The following LAMA3 variants were observed in gnomAD, a reference collection of about 807,000 sequenced individuals.
The protein encoded by LAMA3 is laminin subunit alpha 3.
LAMA3 carries 281 observed loss-of-function variants against 402.0 expected under a neutral mutation model. That is an observed-to-expected ratio of 0.70 (90% CI 0.63 to 0.77). The LOEUF is 0.77. Among genes scored for constraint, LAMA3 ranks in the 30% least tolerant of loss-of-function variants. LAMA3 has a pLI of 0.00. For missense variants in LAMA3, 3,840 were observed against 4,215.5 expected (o/e 0.91, Z 2.47); for synonymous variants, 1,431 against 1,558.4 (o/e 0.92, Z 1.93).
At chr18:23,946,874 A>C (rs890110151) in intron 70 of LAMA3, 3 of 156,332 alleles carry the variant, frequency 1.9e-5, no homozygotes, top group African/African-American at 7.2e-5. Context: ...TGCTTGGAGA[A>C]AAAGGTGCTT....
chr18:23,711,999 T>C (rs188135840), intron 1 of LAMA3, among the ~76,000 whole-genome samples: 6 of 152,300 alleles, frequency 3.9e-5, no homozygotes, highest in African/African-American at 9.6e-5. Context: ...ATCAAATAAC[T>C]AAATGTTCTG....
Position 23,871,462 on chromosome 18 carries a change from C to T in LAMA3, c.4799C>T (p.Pro1600Leu), listed in dbSNP as rs1157686549. 3.1e-6 allele frequency: 5 copies of T among 1,613,900 alleles called. No individual in the cohort carries two copies. In the South Asian group the frequency reaches 3.3e-5, roughly 11 times the overall value. The change falls in exon 38 of 75, where the codon CCA (proline) becomes CTA (leucine). Residue 1600 changes from proline to leucine, a missense_variant. Physicochemically the swap from Pro to Leu is moderately conservative, Grantham distance 98. Coordinates refer to ENST00000313654, the MANE Select transcript of LAMA3 (RefSeq NM_198129.4). ...GNFRHASSRA[P>L]VSREELMTVL... Reference sequence around the variant, plus strand: ...TTCAGACATGCCAGCAGCCGTGCCCCAGTGTCTAGGGAGGAGCTGATGACA... The same window carrying T: ...TTCAGACATGCCAGCAGCCGTGCCCTAGTGTCTAGGGAGGAGCTGATGACA...
At chr18:23,928,068 T>G (rs2082057779) in intron 62 of LAMA3, 55 bp from the exon 63 acceptor site, 1 of 1,258,960 alleles carries the variant, frequency 7.9e-7, no homozygotes, top group East Asian at 2.3e-5. Context: ...TCAGCTCTGA[T>G]TTCACGTGAG....
At chr18:23,758,556 C>T (rs1282316824) in intron 7 of LAMA3, 45 bp downstream of exon 7, 3 of 1,428,044 alleles carry the variant, frequency 2.1e-6, no homozygotes, top group Non-Finnish European at 3.0e-6. Context: ...CCTTCTCCCC[C>T]CTCTCCCTGG....
chr18:23,817,565 A>G (rs1267379486), intron 18 of LAMA3, among the ~76,000 whole-genome samples: 1 of 152,000 alleles, frequency 6.6e-6, no homozygotes, highest in East Asian at 1.9e-4. Context: ...AAATACAACA[A>G]TTAGGCAGGC....
chr18:23,755,461 A>G (rs1219749346), intron 6 of LAMA3, among the ~76,000 whole-genome samples: 4 of 152,242 alleles, frequency 2.6e-5, no homozygotes, highest in Admixed American at 2.0e-4. Flanking sequence ...GAACTTGAAC[A>G]AATGCTGATG....
chr18:23,929,044 G>T (rs937667773), intron 64 of LAMA3, among the ~76,000 whole-genome samples: 1 of 152,212 alleles, frequency 6.6e-6, no homozygotes, highest in African/African-American at 2.4e-5. Flanking sequence ...TATAATAAGA[G>T]TTAAGGTGGA....
chr18:23,777,689 G>A (rs755392528), intron 11 of LAMA3, 70 bp downstream of exon 11: 1 of 1,170,844 alleles, frequency 8.5e-7, no homozygotes, highest in Admixed American at 1.7e-5. Flanking sequence ...TACTTCCTGT[G>A]TGCACTGCCA....
At chr18:23,707,750 T>C (rs937230707) in intron 1 of LAMA3, among the ~76,000 whole-genome samples, 30 of 142,112 alleles carry the variant, frequency 2.1e-4, no homozygotes, top group South Asian at 4.7e-4. Context: ...AACAAAATTC[T>C]TTTTTTTTTT....
At chr18:23,913,172 G>A (rs892816941) in intron 56 of LAMA3, among the ~76,000 whole-genome samples, 3 of 152,196 alleles carry the variant, frequency 2.0e-5, no homozygotes, top group Non-Finnish European at 4.4e-5. Context: ...ACTTGGGGAG[G>A]ATGATTGGCA....
Position 23,903,118 on chromosome 18 carries a change from G to A in LAMA3, c.6311G>A (p.Ser2104Asn), listed in dbSNP as rs2145140723. 6.3e-7 allele frequency: 1 copy of A among 1,591,772 alleles called. No individual in the cohort carries two copies. The highest frequency in any genetic ancestry group is 8.6e-7 in the Non-Finnish European group (1 of 1,159,706). The change falls in exon 49 of 75, where the codon AGC becomes AAC. Residue 2104 changes from serine (S) to asparagine (N), a missense_variant. Ser to Asn is a conservative substitution (Grantham distance 46, BLOSUM62 1). Around this residue, in one of 3 missense-constraint regions of LAMA3, gnomAD observed 891 missense variants for 857.5 expected, o/e 1.04. Coordinates refer to ENST00000313654, the MANE Select transcript of LAMA3 (RefSeq NM_198129.4). ...ATTGCGCTGCAGCTGATGGAGAAAAGCCAGAAGGTAGAGGAAATAGTTGTT... is the reference window on the plus strand; with the variant it reads ...ATTGCGCTGCAGCTGATGGAGAAAAACCAGAAGGTAGAGGAAATAGTTGTT... Reference protein sequence around the residue: ...TNIALQLMEKSQKEYEKLAAS... With the variant: ...TNIALQLMEKNQKEYEKLAAS...
intron 2 of LAMA3, among the ~76,000 whole-genome samples, chr18:23,715,282 CTG>C (rs1370513329): frequency 7.1e-6 from 1 of 140,740 alleles, no homozygotes; most frequent in African/African-American, 2.7e-5. Context: ...CTCAATAAAA[CTG>C]TTAAAAAAAA....
chr18:23,903,387 A>G (rs370643266), intron 49 of LAMA3, among the ~76,000 whole-genome samples: 1 of 152,242 alleles, frequency 6.6e-6, no homozygotes, highest in South Asian at 2.1e-4. Flanking sequence ...TTATAATGCT[A>G]TTTTTAAAAT....
intron 12 of LAMA3, among the ~76,000 whole-genome samples, chr18:23,804,995 T>C (rs2062934598): frequency 6.6e-6 from 1 of 152,214 alleles, no homozygotes; most frequent in Admixed American, 6.5e-5. Context: ...AAATTTCTTT[T>C]CTTCATAAAT....
chr18:23,733,480 T>TACTC (rs34566787), intron 2 of LAMA3, among the ~76,000 whole-genome samples: 90,634 of 151,450 alleles, frequency 0.6, 27,593 homozygotes, highest in Middle Eastern at 0.67. Flanking sequence ...TTGTGAGACT[T>TACTC]ACTACCATGA....
chr18:23,709,846 C>A, intron 1 of LAMA3: 1 of 689,876 alleles, frequency 1.4e-6, no homozygotes, highest in South Asian at 1.4e-5. Context: ...TTGTTGGCAA[C>A]ATCCAAAGCA....
rs547480205 is a variant in LAMA3, at chr18:23,831,762, C to T, written c.2824-2066C>T. Among the ~76,000 whole-genome samples the T allele has an allele frequency of 5.3e-5, 8 of 152,240 alleles. No homozygotes were observed. In the East Asian group the frequency reaches 1.4e-3, roughly 26 times the overall value. ...TTGCTGACCAAATCATTTGAATCCT[C>T]ATTTTGACATCAGACATATTAGTTA... On this transcript the variant is annotated intron_variant, in intron 23 of 74. Transcript: ENST00000313654.
chr18:23,875,229 C>T (rs1240543090), intron 38 of LAMA3, among the ~76,000 whole-genome samples: 1 of 152,138 alleles, frequency 6.6e-6, no homozygotes, highest in African/African-American at 2.4e-5. Context: ...CTATAATTTC[C>T]TTTAAAGACA....
At chr18:23,875,255 T>C (rs2064669177) in intron 38 of LAMA3, among the ~76,000 whole-genome samples, 1 of 152,250 alleles carries the variant, frequency 6.6e-6, no homozygotes, top group African/African-American at 2.4e-5. Context: ...CTAAATAATT[T>C]TAATGGCTGG....
Sources: allele counts gnomAD v4.1 joint callset (sites outside exome capture counted in the v4.1 genomes callset), GRCh38; gene constraint gnomAD v4.1.1; regional missense constraint gnomAD v4.1.1; transcripts MANE v1.5; gene names NCBI Gene and HGNC (gene_info 2026-07-23, HGNC 2026-07-21).